KCNH8: variants seen among roughly 807,000 people sequenced by gnomAD.
KCNH8 encodes potassium voltage-gated channel subfamily H member 8.
A neutral mutation model predicts 103.6 loss-of-function variants in KCNH8; 70 were observed. That is an observed-to-expected ratio of 0.68 (90% CI 0.56 to 0.82). KCNH8 has a LOEUF of 0.82. KCNH8 is among the 40% of genes least tolerant of loss of function. KCNH8 has a pLI of 0.00. For missense variants in KCNH8, 1,217 were observed against 1,329.9 expected (o/e 0.92, Z 1.32); for synonymous variants, 498 against 489.4 (o/e 1.02, Z -0.23).
intron 7 of KCNH8, among the ~76,000 whole-genome samples, chr3:19,435,457 C>G (rs2067185402): frequency 6.6e-6 from 1 of 152,122 alleles, no homozygotes; most frequent in Non-Finnish European, 1.5e-5. Flanking sequence ...ATGGGATGTA[C>G]CATTTTCGCA....
intron 1 of KCNH8, among the ~76,000 whole-genome samples, chr3:19,209,669 C>A (rs561563159): frequency 6.6e-6 from 1 of 151,960 alleles, no homozygotes; most frequent in Non-Finnish European, 1.5e-5. Flanking sequence ...AGCACAGCTC[C>A]GTTTACTAGA....
intron 8 of KCNH8, chr3:19,449,138 T>TA (rs2067405660): frequency 3.3e-6 from 1 of 300,968 alleles, no homozygotes; most frequent in South Asian, 2.9e-5. Flanking sequence ...ATACCCACCC[T>TA]AAATCTCCAT....
intron 3 of KCNH8, among the ~76,000 whole-genome samples, chr3:19,331,875 C>A (rs1345295960): frequency 1.3e-5 from 2 of 152,078 alleles, no homozygotes; most frequent in Non-Finnish European, 2.9e-5. Flanking sequence ...CACGGTGAGT[C>A]TTCTATCATG....
intron 8 of KCNH8, among the ~76,000 whole-genome samples, chr3:19,443,934 G>A (rs1408622728): frequency 2.0e-5 from 3 of 152,108 alleles, no homozygotes; most frequent in South Asian, 2.1e-4. Context: ...ATGGACTCAC[G>A]TTGCAAAAAT....
At chr3:19,240,029 C>A (rs1187104425) in intron 1 of KCNH8, among the ~76,000 whole-genome samples, 1 of 152,108 alleles carries the variant, frequency 6.6e-6, no homozygotes, top group Non-Finnish European at 1.5e-5. Context: ...CTTTAAAAAT[C>A]TATACTGCAG....
At chr3:19,503,167 A>G (rs1395661314) in intron 11 of KCNH8, among the ~76,000 whole-genome samples, 150 of 151,780 alleles carry the variant, frequency 9.9e-4, no homozygotes, top group African/African-American at 3.4e-3. Flanking sequence ...GCCAAAAAAC[A>G]CATGAAAAAA....
At chr3:19,345,375 C>G (rs1394646182) in intron 4 of KCNH8, among the ~76,000 whole-genome samples, 1 of 151,926 alleles carries the variant, frequency 6.6e-6, no homozygotes, top group Non-Finnish European at 1.5e-5. Flanking sequence ...ATGATAGTTT[C>G]AAAGGAACTA....
chr3:19,338,719 T>C (rs924728330), intron 3 of KCNH8, among the ~76,000 whole-genome samples: 48 of 152,272 alleles, frequency 3.2e-4, no homozygotes, highest in African/African-American at 1.2e-3. Context: ...CATTTAGTTT[T>C]ACATGTCTGT....
At chr3:19,438,095 T>C in intron 7 of KCNH8, 69 bp from the exon 8 acceptor site, 2 of 1,195,524 alleles carry the variant, frequency 1.7e-6, no homozygotes, top group Non-Finnish European at 1.2e-6. Context: ...TCATTTATCA[T>C]TACTCCCATG....
At chr3:19,236,605 A>T (rs545079678) in intron 1 of KCNH8, among the ~76,000 whole-genome samples, 1 of 152,314 alleles carries the variant, frequency 6.6e-6, no homozygotes, top group Non-Finnish European at 1.5e-5. Context: ...ACCATTTTAT[A>T]TGCCCTTTCC....
chr3:19,484,620 G>A (rs1218326495), intron 11 of KCNH8, among the ~76,000 whole-genome samples: 2 of 152,084 alleles, frequency 1.3e-5, no homozygotes, highest in Non-Finnish European at 2.9e-5. Context: ...GTGGATCCAG[G>A]CTGGGATTCC....
chr3:19,219,951 C>A (rs140414463), intron 1 of KCNH8, among the ~76,000 whole-genome samples: 1 of 152,188 alleles, frequency 6.6e-6, no homozygotes, highest in Non-Finnish European at 1.5e-5. Context: ...AGAGACATTT[C>A]TCTGGCTTCA....
At chr3:19,226,189 A>G (rs1048086057) in intron 1 of KCNH8, among the ~76,000 whole-genome samples, 2 of 152,220 alleles carry the variant, frequency 1.3e-5, no homozygotes, top group Admixed American at 1.3e-4. Flanking sequence ...CAGTGCTTCA[A>G]CTGCCAGCAG....
At chr3:19,468,678 T>G (rs955735055) in intron 11 of KCNH8, among the ~76,000 whole-genome samples, 7 of 152,230 alleles carry the variant, frequency 4.6e-5, no homozygotes, top group African/African-American at 1.7e-4. Context: ...AAATCTCAGC[T>G]AATGTGCCCA....
At chr3:19,522,814 C>A (rs1463234497) in intron 15 of KCNH8, among the ~76,000 whole-genome samples, 1 of 151,800 alleles carries the variant, frequency 6.6e-6, no homozygotes, top group Non-Finnish European at 1.5e-5. Flanking sequence ...CTGATTGGAT[C>A]TAAAATTTTT....
chr3:19,233,600 T>G (rs1276131301), intron 1 of KCNH8, among the ~76,000 whole-genome samples: 1 of 152,164 alleles, frequency 6.6e-6, no homozygotes, highest in African/African-American at 2.4e-5. Context: ...ATTATAACAT[T>G]GATGAGAAAA....
At position 19,432,648 on chromosome 3, in the gene KCNH8, A is replaced by G. The variant is rs12152325; in HGVS notation, c.1178-5516A>G. Among the ~76,000 whole-genome samples the G allele has an allele frequency of 3.2e-3, 493 of 152,294 alleles. 1 individual carries two copies. Among genetic ancestry groups the G allele is most frequent in the Admixed American group, 5.0e-3 (76 of 15,284 alleles). ...AAATGATACTCTGAGCTCAGACACAAATGTATGTCCCACAAACCTATTTAA... is the reference window on the plus strand; with the variant it reads ...AAATGATACTCTGAGCTCAGACACAGATGTATGTCCCACAAACCTATTTAA... On this transcript the variant is annotated intron_variant, in intron 7 of 15. Transcript: ENST00000328405.
chr3:19,437,264 T>C (rs2067212979), intron 7 of KCNH8, among the ~76,000 whole-genome samples: 1 of 152,118 alleles, frequency 6.6e-6, no homozygotes, highest in South Asian at 2.1e-4. Flanking sequence ...TTATAAAATA[T>C]AAAATCTTAA....
At chr3:19,354,611 A>G (rs539169963) in intron 5 of KCNH8, among the ~76,000 whole-genome samples, 2 of 152,224 alleles carry the variant, frequency 1.3e-5, no homozygotes, top group Admixed American at 1.3e-4. Context: ...GACAAACCTG[A>G]GAAAAACAAG....
Sources: gnomAD v4.1 joint callset for allele counts (sites outside exome capture counted in the v4.1 genomes callset) on GRCh38, gnomAD v4.1.1 for gene constraint, MANE v1.5 for transcripts, NCBI Gene and HGNC (gene_info 2026-07-23, HGNC 2026-07-21) for gene names.